DAPK1: variants seen among roughly 807,000 people sequenced by gnomAD.
DAPK1 encodes the protein death-associated protein kinase 1.
DAPK1 carries 56 observed loss-of-function variants against 144.9 expected under a neutral mutation model. That is an observed-to-expected ratio of 0.39 (90% CI 0.31 to 0.48). The LOEUF is 0.48. Among genes scored for constraint, DAPK1 ranks in the 20% least tolerant of loss-of-function variants. The pLI is 0.95. For synonymous variants in DAPK1, 690 were observed against 749.0 expected, an observed-to-expected ratio of 0.92 and a Z score of 1.29; for missense variants, 1,454 against 1,875.4, an observed-to-expected ratio of 0.78 and a Z score of 4.15.
At chr9:87,507,131 T>A (rs919778916) in intron 2 of DAPK1, 1 of 152,238 alleles carries the variant, frequency 6.6e-6, no homozygotes, top group African/African-American at 2.4e-5. Context: ...CTTTGGTCTT[T>A]AGGTGACATT....
At chr9:87,565,546 G>A (rs1419228848) in intron 2 of DAPK1, among the ~76,000 whole-genome samples, 1 of 151,512 alleles carries the variant, frequency 6.6e-6, no homozygotes. Context: ...GGTTACAGAT[G>A]GAAGGGAATT....
At chr9:87,546,319 T>C (rs1826249337) in intron 2 of DAPK1, among the ~76,000 whole-genome samples, 1 of 152,110 alleles carries the variant, frequency 6.6e-6, no homozygotes, top group Non-Finnish European at 1.5e-5. Flanking sequence ...CAAGAGCCTC[T>C]ACTGTGGTTT....
intron 14 of DAPK1, among the ~76,000 whole-genome samples, chr9:87,648,108 T>C (rs1025976220): frequency 6.6e-6 from 1 of 152,256 alleles, no homozygotes; most frequent in African/African-American, 2.4e-5. Context: ...CTGCACCATA[T>C]CTGAGGGGTA....
chr9:87,518,590 G>A (rs745460349), intron 2 of DAPK1, among the ~76,000 whole-genome samples: 6 of 152,010 alleles, frequency 3.9e-5, no homozygotes, highest in Non-Finnish European at 5.9e-5. Flanking sequence ...GGTCTAGGAT[G>A]GTAATTTCTG....
At chr9:87,571,527 A>ACACACACACACACACC (rs1554684291) in intron 2 of DAPK1, among the ~76,000 whole-genome samples, 10 of 141,290 alleles carry the variant, frequency 7.1e-5, no homozygotes, top group African/African-American at 1.9e-4. Flanking sequence ...ACACACACAC[A>ACACACACACACACACC]CCAGAAGCGA....
At chr9:87,610,919 T>C (rs1828898104) in intron 3 of DAPK1, among the ~76,000 whole-genome samples, 1 of 152,260 alleles carries the variant, frequency 6.6e-6, no homozygotes, top group Admixed American at 6.5e-5. Context: ...TTGTGTGTCT[T>C]GTACACAATC....
intron 2 of DAPK1, chr9:87,506,963 T>C (rs1438137310): frequency 6.6e-6 from 1 of 152,238 alleles, no homozygotes; most frequent in East Asian, 1.9e-4. Flanking sequence ...CTAGAGTTAA[T>C]GTGCTGGGTG....
chr9:87,555,071 G>T (rs1300416771), intron 2 of DAPK1, among the ~76,000 whole-genome samples: 1 of 152,294 alleles, frequency 6.6e-6, no homozygotes, highest in Non-Finnish European at 1.5e-5. Flanking sequence ...AAGCTGTGTG[G>T]GTGTGCACCA....
intron 2 of DAPK1, among the ~76,000 whole-genome samples, chr9:87,517,382 C>T (rs781340633): frequency 1.3e-4 from 20 of 152,080 alleles, no homozygotes; most frequent in Non-Finnish European, 2.5e-4. Flanking sequence ...TTTGCAAACT[C>T]CTGGGGTAAT....
At chr9:87,695,983 T>G (rs1825244638) in intron 21 of DAPK1, among the ~76,000 whole-genome samples, 1 of 152,146 alleles carries the variant, frequency 6.6e-6, no homozygotes, top group Non-Finnish European at 1.5e-5. Flanking sequence ...ATTCTGCAAG[T>G]GAAGGTGGAG....
chr9:87,558,113 T>A (rs767531103), intron 2 of DAPK1, among the ~76,000 whole-genome samples: 6 of 152,178 alleles, frequency 3.9e-5, no homozygotes, highest in Non-Finnish European at 8.8e-5. Context: ...AGTGTGGTAA[T>A]GGGCAGTTAG....
At position 87,707,322 on chromosome 9, in the gene DAPK1, C is replaced by T. The variant is rs1333456652; in HGVS notation, c.4251C>T (p.Ser1417=). ...AGGCCTATGCCTCGAGCTGCAACAG[C>T]GGCACCTCTTACAATTCCATTAGCT... The part of the protein sequence containing the change: ...GQEAYASSCN[S]GTSYNSISSV... Residue 1417 remains serine (S), a synonymous_variant, in exon 26 of 26, where the codon AGC becomes AGT. Coordinates refer to ENST00000408954, the MANE Select transcript of DAPK1 (RefSeq NM_004938.4). This position sits in a 1 kb window ranked among gnomAD's most constrained non-coding sequence, Gnocchi z 4.0. The T allele has an allele frequency of 3.7e-6, 6 of 1,611,396 alleles. No homozygotes were observed. Among genetic ancestry groups the T allele is most frequent in the South Asian group, 3.3e-5 (3 of 90,700 alleles).
At chr9:87,535,930 G>T (rs994329759) in intron 2 of DAPK1, among the ~76,000 whole-genome samples, 1 of 152,110 alleles carries the variant, frequency 6.6e-6, no homozygotes, top group Admixed American at 6.5e-5. Flanking sequence ...TTTGCTCATC[G>T]GTTTTCTGAA....
At chr9:87,558,345 G>A (rs1380130996) in intron 2 of DAPK1, among the ~76,000 whole-genome samples, 1 of 152,178 alleles carries the variant, frequency 6.6e-6, no homozygotes, top group Non-Finnish European at 1.5e-5. Flanking sequence ...GGACTGCATT[G>A]CACCCCTGAG....
At chr9:87,695,151 C>T (rs552174821) in intron 21 of DAPK1, among the ~76,000 whole-genome samples, 1 of 152,316 alleles carries the variant, frequency 6.6e-6, no homozygotes, top group South Asian at 2.1e-4. Flanking sequence ...TCTCACAGCC[C>T]CAGCCGCAAC....
At chr9:87,593,186 T>A (rs1010197882) in intron 2 of DAPK1, among the ~76,000 whole-genome samples, 1 of 152,178 alleles carries the variant, frequency 6.6e-6, no homozygotes, top group African/African-American at 2.4e-5. Context: ...CCCAAGCATG[T>A]TGGCCACCCA....
chr9:87,535,150 C>A (rs956428766), intron 2 of DAPK1, among the ~76,000 whole-genome samples: 1 of 152,058 alleles, frequency 6.6e-6, no homozygotes, highest in African/African-American at 2.4e-5. Context: ...TAGCCCCAGG[C>A]AAATCCTGCC....
chr9:87,501,066 T>C (rs1231165435), intron 2 of DAPK1, among the ~76,000 whole-genome samples: 8 of 152,154 alleles, frequency 5.3e-5, no homozygotes, highest in South Asian at 2.1e-4. Context: ...AAAATGGACA[T>C]GTAGGAAGAT....
chr9:87,595,993 C>T (rs189410411), intron 2 of DAPK1, among the ~76,000 whole-genome samples: 14 of 152,064 alleles, frequency 9.2e-5, no homozygotes, highest in East Asian at 1.9e-4. Flanking sequence ...TAAAAATCAC[C>T]GCTTTGCTTT....
Sources: allele counts gnomAD v4.1 joint callset (sites outside exome capture counted in the v4.1 genomes callset), GRCh38; gene constraint gnomAD v4.1.1; non-coding constraint Gnocchi (gnomAD v3.1); transcripts MANE v1.5; gene names NCBI Gene and HGNC (gene_info 2026-07-23, HGNC 2026-07-21).